SLC28A2: variants seen among roughly 807,000 people sequenced by gnomAD.
The protein encoded by SLC28A2 is solute carrier family 28 member 2, also known as sodium/nucleoside cotransporter 2.
In SLC28A2, 69 loss-of-function variants were observed where a neutral mutation model predicts 72.9. The ratio of observed to expected loss-of-function variants is 0.95; its 90% CI spans 0.78 to 1.16. The LOEUF is 1.16. Among genes scored for constraint, SLC28A2 ranks in the 50% most tolerant of loss-of-function variants. The pLI is 0.00. For synonymous variants in SLC28A2, 296 were observed against 294.1 expected, an observed-to-expected ratio of 1.01 and a Z score of -0.07; for missense variants, 745 against 791.1, an observed-to-expected ratio of 0.94 and a Z score of 0.70.
chr15:45,264,937 C>G, intron 7 of SLC28A2, 152 bp from the exon 8 acceptor site: 1 of 738,730 alleles, frequency 1.4e-6, no homozygotes, highest in Non-Finnish European at 2.3e-6. Flanking sequence ...ATAAAGAGCT[C>G]ATGGGGACAT....
At chr15:45,263,008 G>C in intron 4 of SLC28A2, 53 bp from the exon 5 acceptor site, 2 of 1,478,842 alleles carry the variant, frequency 1.4e-6, no homozygotes, top group African/African-American at 1.4e-5. Context: ...AGTTTCATTT[G>C]CCCATTGGAA....
chr15:45,261,325 C>T (rs1230255675), intron 3 of SLC28A2, among the ~76,000 whole-genome samples: 3 of 131,978 alleles, frequency 2.3e-5, no homozygotes, highest in African/African-American at 8.9e-5. Context: ...GCCTGTATGA[C>T]TTTGGGAAAG....
rs1353076605 is a variant in SLC28A2, at chr15:45,272,773, G to A, written c.1848G>A (p.Gly616=). ...RTYETYMCCR[G]LFQSTSLNGT... ...ATGAGACCTACATGTGCTGCAGAGG[G>A]CTCTTTCAGAGGTGAGCACCAGGAC... The change falls in exon 17 of 18, where the codon GGG becomes GGA. Residue 616 remains glycine (G), a synonymous_variant. Transcript: ENST00000347644. The A allele has an allele frequency of 1.3e-6, 2 of 1,593,104 alleles. No homozygotes were observed. The highest frequency in any genetic ancestry group is 1.7e-5 in the Admixed American group (1 of 59,988).
intron 13 of SLC28A2, 40 bp from the exon 14 acceptor site, chr15:45,269,298 T>G (rs369598261): frequency 1.3e-6 from 2 of 1,560,484 alleles, no homozygotes; most frequent in Admixed American, 1.7e-5. Context: ...CTTTGTTATA[T>G]TAGTCCTTCC....
At chr15:45,269,835 T>C (rs1230928596) in intron 14 of SLC28A2, among the ~76,000 whole-genome samples, 2 of 152,224 alleles carry the variant, frequency 1.3e-5, no homozygotes, top group African/African-American at 4.8e-5. Context: ...GGGCAGACAC[T>C]ATCTTTTGAT....
chr15:45,275,272 T>C (rs1001056421), intron 17 of SLC28A2, 124 bp from the exon 18 acceptor site: 4 of 662,558 alleles, frequency 6.0e-6, no homozygotes, highest in Admixed American at 2.5e-5. Context: ...TATTTGGTCA[T>C]GGCTGATGGG....
rs1267120517 is a variant in SLC28A2 at position 45,270,200 on chromosome 15, A to G, written c.1572A>G (p.Arg524=). 1.9e-6 allele frequency: 3 copies of G among 1,611,670 alleles called. No homozygotes were observed. Among genetic ancestry groups the G allele is most frequent in the South Asian group, 1.1e-5 (1 of 91,022 alleles). The change falls in exon 15 of 18, where the codon AGA becomes AGG. Residue 524 remains arginine, a synonymous_variant. Transcript: ENST00000347644. ...TTTATTTTTGTTTTCCCTAGGTGAGAGCTGAAATCATTACAACATTTTCAC... is the reference window on the plus strand; with the variant it reads ...TTTATTTTTGTTTTCCCTAGGTGAGGGCTGAAATCATTACAACATTTTCAC... ...IEGEKQWISV[R]AEIITTFSLC... is the part of the protein sequence containing the mutation.
rs756074644 is a variant in SLC28A2, at chr15:45,253,278, C to G, written c.63C>G (p.Asn21Lys). 2 of 1,613,086 alleles carry G rather than the reference C, an allele frequency of 1.2e-6. No homozygotes were observed. Among genetic ancestry groups the G allele is most frequent in the African/African-American group, 2.7e-5 (2 of 74,904 alleles). Residue 21 changes from asparagine to lysine, a missense_variant, in exon 2 of 18, where the codon AAC becomes AAG. By Grantham distance (94) the Asn-to-Lys change is moderately conservative. Transcript: ENST00000347644. ...ALSTVETGTV[N>K]PGLELMEKEV... ...CCACAGTGGAGACTGGCACAGTGAA[C>G]CCGGGGCTGGAGCTCATGGTAATCA...
chr15:45,268,411 G>A (rs1283343785), intron 13 of SLC28A2, 33 bp downstream of exon 13: 1 of 1,546,480 alleles, frequency 6.5e-7, no homozygotes, highest in Non-Finnish European at 8.8e-7. Flanking sequence ...CTGTCCCTCT[G>A]GGATGTGGTT....
At chr15:45,273,731 G>A (rs984054750) in intron 17 of SLC28A2, among the ~76,000 whole-genome samples, 5 of 152,122 alleles carry the variant, frequency 3.3e-5, no homozygotes, top group African/African-American at 1.2e-4. Context: ...GTGGTTGTGA[G>A]GTTGGAGATA....
At chr15:45,275,341 T>C in intron 17 of SLC28A2, 55 bp from the exon 18 acceptor site, 1 of 1,013,376 alleles carries the variant, frequency 9.9e-7, no homozygotes, top group Non-Finnish European at 1.5e-6. Context: ...TTGATATGTT[T>C]TGTTGCTTTG....
intron 14 of SLC28A2, among the ~76,000 whole-genome samples, 168 bp downstream of exon 14, chr15:45,269,703 A>G (rs1014323600): frequency 2.6e-5 from 4 of 152,154 alleles, no homozygotes; most frequent in Admixed American, 1.3e-4. Flanking sequence ...CCTCATCTGC[A>G]GCGCCTGAGC....
chr15:45,254,147 A>G (rs781293836), intron 3 of SLC28A2, among the ~76,000 whole-genome samples: 15 of 152,174 alleles, frequency 9.9e-5, no homozygotes, highest in Non-Finnish European at 1.9e-4. Context: ...TTTGAGTAAA[A>G]TAGATCATAT....
Position 45,269,474 on chromosome 15 carries a change from A to C in SLC28A2, c.1505A>C (p.Tyr502Ser), listed in dbSNP as rs751511350. 7 of 1,614,178 alleles carry C rather than the reference A, an allele frequency of 4.3e-6. No homozygotes were observed. The highest frequency in any genetic ancestry group is 5.9e-6 in the Non-Finnish European group (7 of 1,180,002). Residue 502 changes from tyrosine (Y) to serine (S), a missense_variant, in exon 14 of 18, where the codon TAC (tyrosine) becomes TCC (serine). By Grantham distance (144) the Tyr-to-Ser change is moderately radical. Coordinates refer to ENST00000347644, the MANE Select transcript of SLC28A2 (RefSeq NM_004212.4). The stretch of plus-strand genomic sequence containing the variant: ...GTGGCTTATCAGCAACTGTCTCAAT[A>C]CAAGAACAAACGTCTCTCTGGAATG... ...EFVAYQQLSQ[Y>S]KNKRLSGMEE...
At chr15:45,265,446 C>A in intron 8 of SLC28A2, 137 bp from the exon 9 acceptor site, 1 of 696,848 alleles carries the variant, frequency 1.4e-6, no homozygotes, top group Non-Finnish European at 2.6e-6. Context: ...TTAAATGTAT[C>A]CCTAAACTAG....
At chr15:45,257,840 A>ACAGTTC (rs914511978) in intron 3 of SLC28A2, among the ~76,000 whole-genome samples, 31 of 152,264 alleles carry the variant, frequency 2.0e-4, no homozygotes, top group Admixed American at 1.3e-4. Context: ...TTTCACTGAC[A>ACAGTTC]CAGTTCTGAG....
intron 1 of SLC28A2, among the ~76,000 whole-genome samples, chr15:45,252,992 A>T (rs1899841869): frequency 6.6e-6 from 1 of 152,224 alleles, no homozygotes; most frequent in Non-Finnish European, 1.5e-5. Context: ...GCTATTCACA[A>T]GAGGAAATAG....
intron 14 of SLC28A2, among the ~76,000 whole-genome samples, chr15:45,269,881 T>C (rs905899087): frequency 1.3e-5 from 2 of 152,198 alleles, no homozygotes; most frequent in Non-Finnish European, 1.5e-5. Context: ...TAAGTTTAAA[T>C]TGCTCCAAAT....
chr15:45,277,763 A>G lies in SLC28A2; in HGVS notation c.*2250A>G, dbSNP rs904254479. On this transcript the variant is annotated 3_prime_UTR_variant, in exon 18 of 18. Coordinates refer to ENST00000347644, the MANE Select transcript of SLC28A2 (RefSeq NM_004212.4). Reference sequence around the variant, plus strand: ...AGGTGGTGGTTGTGCAACATTGTGAATATTATGTCACTGAATTGTTCACTT... The same window carrying G: ...AGGTGGTGGTTGTGCAACATTGTGAGTATTATGTCACTGAATTGTTCACTT... 1.8e-5 allele frequency: 2 copies of G among 108,498 alleles called. No homozygotes were observed. Among genetic ancestry groups the G allele is most frequent in the Non-Finnish European group, 4.4e-5 (2 of 45,584 alleles). The allele number at this position is 108,498 out of a possible 1,614,324, so 6.7% of individuals were successfully genotyped here.
Sources: gnomAD v4.1 joint callset for allele counts (sites outside exome capture counted in the v4.1 genomes callset) on GRCh38, gnomAD v4.1.1 for gene constraint, MANE v1.5 for transcripts, NCBI Gene and HGNC (gene_info 2026-07-23, HGNC 2026-07-21) for gene names.